ARL15: variants seen among roughly 807,000 people sequenced by gnomAD.
ARL15 encodes ARF like GTPase 15.
Under a neutral mutation model 25.2 loss-of-function variants are expected in ARL15, and 19 were observed. The ratio of observed to expected loss-of-function variants is 0.75; its 90% confidence interval spans 0.53 to 1.10. The LOEUF (loss-of-function observed/expected upper bound fraction) is 1.10, where lower values mean the gene tolerates loss of function less well. ARL15 is among the 50% of genes least tolerant of loss of function. The pLI, the probability that ARL15 is intolerant of heterozygous loss-of-function variation, is 0.00. For missense variants in ARL15, 220 were observed against 246.0 expected (o/e 0.89, Z 0.71); for synonymous variants, 94 against 86.8 (o/e 1.08, Z -0.46).
intron 4 of ARL15, among the ~76,000 whole-genome samples, chr5:53,961,711 T>G (rs1044022657): frequency 6.6e-6 from 1 of 152,124 alleles, no homozygotes; most frequent in African/African-American, 2.4e-5. Context: ...GCATGAAACA[T>G]AAATTAATTA....
intron 3 of ARL15, among the ~76,000 whole-genome samples, chr5:54,133,871 A>C (rs569325572): frequency 2.0e-5 from 3 of 152,320 alleles, no homozygotes; most frequent in Non-Finnish European, 4.4e-5. Flanking sequence ...GCTAAAATGA[A>C]GTTATACTCG....
At chr5:54,289,535 C>A (rs929904227) in intron 1 of ARL15, among the ~76,000 whole-genome samples, 30 of 152,124 alleles carry the variant, frequency 2.0e-4, no homozygotes, top group African/African-American at 7.2e-4. Flanking sequence ...GTATTTCTAC[C>A]GTAAAAAGTC....
chr5:54,044,580 T>A (rs982507524), intron 4 of ARL15, among the ~76,000 whole-genome samples: 2 of 152,086 alleles, frequency 1.3e-5, no homozygotes, highest in Non-Finnish European at 2.9e-5. Context: ...ATTTTGAATT[T>A]AAAAAAAGGT....
intron 2 of ARL15, among the ~76,000 whole-genome samples, chr5:54,163,355 G>GTTGTTTTTTTTTTTTT (rs1754465268): frequency 1.9e-5 from 1 of 51,342 alleles, no homozygotes; most frequent in African/African-American, 8.3e-5. Flanking sequence ...TTGGTATGAA[G>GTTGTTTTTTTTTTTTT]CTTTTTTTTT....
chr5:54,240,431 T>A (rs1473361098), intron 1 of ARL15, among the ~76,000 whole-genome samples: 1 of 151,980 alleles, frequency 6.6e-6, no homozygotes, highest in Admixed American at 6.6e-5. Context: ...GGATCAAAAG[T>A]CCCACTGTAA....
At chr5:54,206,572 C>A (rs1755874864) in intron 1 of ARL15, among the ~76,000 whole-genome samples, 1 of 152,122 alleles carries the variant, frequency 6.6e-6, no homozygotes, top group Non-Finnish European at 1.5e-5. Flanking sequence ...GTTAGGAAAA[C>A]CCTCTGTGGG....
At chr5:54,087,210 C>A (rs190264687) in intron 4 of ARL15, among the ~76,000 whole-genome samples, 130 of 152,214 alleles carry the variant, frequency 8.5e-4, no homozygotes, top group African/African-American at 3.1e-3. Context: ...TGCCTGTAGT[C>A]CCAGCTACTC....
chr5:53,904,643 G>C (rs1284604862), intron 4 of ARL15, among the ~76,000 whole-genome samples: 2 of 151,932 alleles, frequency 1.3e-5, no homozygotes, highest in Non-Finnish European at 2.9e-5. Context: ...ACTCTGATTA[G>C]TGGCCACATA....
At chr5:53,968,602 T>A (rs1026527952) in intron 4 of ARL15, among the ~76,000 whole-genome samples, 2 of 152,102 alleles carry the variant, frequency 1.3e-5, no homozygotes, top group Non-Finnish European at 2.9e-5. Flanking sequence ...ATTAGCAGCA[T>A]CCTAGTGATC....
intron 4 of ARL15, among the ~76,000 whole-genome samples, chr5:53,951,187 G>A (rs1435272271): frequency 1.3e-5 from 2 of 152,214 alleles, no homozygotes; most frequent in African/African-American, 4.8e-5. Flanking sequence ...GGGTATGGGA[G>A]AGCTGAGTAG....
At chr5:54,190,885 A>C (rs1311495164) in intron 1 of ARL15, among the ~76,000 whole-genome samples, 1 of 152,220 alleles carries the variant, frequency 6.6e-6, no homozygotes, top group Non-Finnish European at 1.5e-5. Flanking sequence ...AGCCACTGTG[A>C]AAAACAATAT....
At chr5:54,032,669 G>A (rs185377172) in intron 4 of ARL15, among the ~76,000 whole-genome samples, 3 of 152,142 alleles carry the variant, frequency 2.0e-5, no homozygotes, top group Non-Finnish European at 2.9e-5. Context: ...GGTAAGAGAA[G>A]AGACTACTTA....
At chr5:54,010,916 C>T (rs1292140143) in intron 4 of ARL15, among the ~76,000 whole-genome samples, 2 of 150,800 alleles carry the variant, frequency 1.3e-5, no homozygotes, top group South Asian at 2.1e-4. Context: ...CGGAGAATGG[C>T]GTGAACCCGG....
chr5:54,010,853 G>C (rs1450893082), intron 4 of ARL15, among the ~76,000 whole-genome samples: 1 of 152,018 alleles, frequency 6.6e-6, no homozygotes, highest in Non-Finnish European at 1.5e-5. Context: ...CAAAAAATTA[G>C]CGGGGCTTGG....
chr5:53,903,331 A>G (rs1261091887), intron 4 of ARL15, among the ~76,000 whole-genome samples: 2 of 152,164 alleles, frequency 1.3e-5, no homozygotes, highest in Non-Finnish European at 2.9e-5. Context: ...GGAAAAGGCA[A>G]CTGTACCTTC....
At chr5:53,997,997 A>G (rs999837730) in intron 4 of ARL15, among the ~76,000 whole-genome samples, 3 of 151,936 alleles carry the variant, frequency 2.0e-5, no homozygotes, top group Non-Finnish European at 4.4e-5. Flanking sequence ...AAGAAAAGAG[A>G]AAATGTGATT....
chr5:54,162,022 C>G (rs1384698297), intron 2 of ARL15, among the ~76,000 whole-genome samples: 1 of 138,348 alleles, frequency 7.2e-6, no homozygotes, highest in Non-Finnish European at 1.6e-5. Context: ...CACACACACA[C>G]ACAGAGAGAG....
intron 4 of ARL15, among the ~76,000 whole-genome samples, chr5:54,026,205 C>A (rs1749782674): frequency 6.6e-6 from 1 of 152,170 alleles, no homozygotes; most frequent in Non-Finnish European, 1.5e-5. Context: ...ATATTCTGCA[C>A]ATAGTAAAAA....
chr5:54,155,476 T>C (rs984904909), intron 2 of ARL15, among the ~76,000 whole-genome samples: 5 of 152,204 alleles, frequency 3.3e-5, no homozygotes, highest in African/African-American at 9.6e-5. Context: ...TAATATGTCA[T>C]GTATCTATTT....
Sources: gnomAD v4.1 joint callset for allele counts (sites outside exome capture counted in the v4.1 genomes callset) on GRCh38, gnomAD v4.1.1 for gene constraint, MANE v1.5 for transcripts, NCBI Gene and HGNC (gene_info 2026-07-23, HGNC 2026-07-21) for gene names.